Variants in DHX9 observed in about 807,000 individuals in gnomAD.
DHX9 encodes ATP-dependent RNA helicase A.
In DHX9, 27 loss-of-function variants were observed where a neutral mutation model predicts 148.7. The ratio of observed to expected loss-of-function variants is 0.18; its 90% CI spans 0.13 to 0.25. DHX9 has a LOEUF of 0.25. DHX9 is among the 10% of genes least tolerant of loss of function. The probability of loss-of-function intolerance (pLI) is 1.00; values close to 1 mark genes in which losing one functional copy is unlikely to be tolerated. For missense variants in DHX9, 796 were observed against 1,559.6 expected, an observed-to-expected ratio of 0.51 and a Z score of 8.25; for synonymous variants, 529 against 516.6, an observed-to-expected ratio of 1.02 and a Z score of -0.33.
Position 182,874,898 on chromosome 1 carries a change from C to A in DHX9, c.1759C>A (p.Pro587Thr). ...DCIQMTHFVP[P>T]PKDKKKKDKD... ...CATTCAGATGACCCACTTTGTTCCT[C>A]CACCAAAAGACAAAAAGAAGAAGGA... Residue 587 changes from proline (P) to threonine (T), a missense_variant, in exon 16 of 28, where the codon CCA (proline) becomes ACA (threonine). Physicochemically the swap from Pro to Thr is conservative, Grantham distance 38 (BLOSUM62 -1). Transcript: ENST00000367549. 2 of 1,613,254 alleles carry A rather than the reference C, an allele frequency of 1.2e-6. No homozygotes were observed. Among genetic ancestry groups the A allele is most frequent in the Non-Finnish European group, 1.7e-6 (2 of 1,179,544 alleles).
intron 3 of DHX9, among the ~76,000 whole-genome samples, chr1:182,849,473 T>C (rs1167612120): frequency 2.0e-5 from 3 of 152,342 alleles, no homozygotes; most frequent in East Asian, 1.9e-4. Flanking sequence ...TAATGAGATA[T>C]CCAATTAATG....
At chr1:182,884,493 TAA>T in intron 26 of DHX9, 118 bp from the exon 27 acceptor site, 7 of 890,970 alleles carry the variant, frequency 7.9e-6, no homozygotes, top group Non-Finnish European at 8.5e-6. Flanking sequence ...TTTTTTTTTT[TAA>T]TATTAATGCT....
At chr1:182,870,411 C>T (rs1190045464) in intron 14 of DHX9, among the ~76,000 whole-genome samples, 1 of 152,164 alleles carries the variant, frequency 6.6e-6, no homozygotes, top group Non-Finnish European at 1.5e-5. Context: ...ACAAGACTTG[C>T]TTTGAAGCTA....
At chr1:182,875,220 A>G (rs1245077851) in intron 16 of DHX9, 9 of 489,820 alleles carry the variant, frequency 1.8e-5, no homozygotes, top group East Asian at 5.6e-5. Flanking sequence ...AAGGCCAGGC[A>G]TGGTTAGGGA....
chr1:182,849,981 T>C (rs1032666078), intron 3 of DHX9, among the ~76,000 whole-genome samples: 1 of 96,590 alleles, frequency 1.0e-5, no homozygotes, highest in African/African-American at 4.1e-5. Context: ...TGTACACACG[T>C]ACCCCCCCCC....
intron 1 of DHX9, among the ~76,000 whole-genome samples, chr1:182,841,468 A>G (rs371088022): frequency 1.3e-5 from 2 of 152,196 alleles, no homozygotes; most frequent in East Asian, 3.8e-4. Context: ...TTAATTATTC[A>G]CGAGGTGGAA....
intron 7 of DHX9, among the ~76,000 whole-genome samples, 198 bp downstream of exon 7, chr1:182,856,776 G>T (rs1204222520): frequency 1.3e-5 from 2 of 152,242 alleles, no homozygotes; most frequent in East Asian, 3.8e-4. Context: ...TGTGAAAACA[G>T]ACCATGTTAG....
At position 182,876,826 on chromosome 1, in the gene DHX9, A is replaced by G. The variant is rs1250330355; in HGVS notation, c.2125-4A>G. ...TCTGGAGTGTAATTTTTCTTTCTTC[A>G]CAGGTTATTTTGTCCACAAATATTG... On this transcript the variant is annotated splice_polypyrimidine_tract_variant and splice_region_variant and intron_variant, in intron 18 of 27. Transcript: ENST00000367549. The G allele has an allele frequency of 1.9e-6, 3 of 1,607,276 alleles. No individual in the cohort carries two copies. Among genetic ancestry groups the G allele is most frequent in the African/African-American group, 2.7e-5 (2 of 74,846 alleles).
intron 3 of DHX9, among the ~76,000 whole-genome samples, chr1:182,844,528 A>C (rs1263327653): frequency 6.6e-6 from 1 of 151,968 alleles, no homozygotes; most frequent in African/African-American, 2.4e-5. Context: ...TTTAAGAAAT[A>C]AGGTTTTTTT....
chr1:182,860,194 A>C lies in DHX9; in HGVS notation c.1332+10A>C, dbSNP rs1557970587. On this transcript the variant is annotated intron_variant, in intron 12 of 27. Transcript: ENST00000367549. ...CATCGTAGTAACTCAGGTAAGTGGT[A>C]AACCAACCATGAAATACCTAGAGAG... 1.3e-6 allele frequency: 2 copies of C among 1,564,724 alleles called. No individual in the cohort carries two copies. The highest frequency in any genetic ancestry group is 1.7e-6 in the Non-Finnish European group (2 of 1,157,006).
At chr1:182,858,921 A>G (rs1196186062) in intron 10 of DHX9, 27 bp downstream of exon 10, 2 of 1,613,110 alleles carry the variant, frequency 1.2e-6, no homozygotes, top group Non-Finnish European at 1.7e-6. Flanking sequence ...TTTTGAGATC[A>G]GAGTCTTGTG....
Position 182,867,057 on chromosome 1 carries a change from GA to G in DHX9, c.1557+15del, listed in dbSNP as rs1648324067. The G allele has an allele frequency of 6.5e-7, 1 of 1,534,502 alleles. No homozygotes were observed. The highest frequency in any genetic ancestry group is 1.4e-5 in the African/African-American group (1 of 72,530). On this transcript the variant is annotated intron_variant, in intron 14 of 27. Coordinates refer to ENST00000367549, the MANE Select transcript of DHX9 (RefSeq NM_001357.5). ...AGAGATATTAATGTAAGTAACTTGA[GA>G]GGTACAGTAAGGTACTTAATTCTGC... is the stretch of plus-strand genomic sequence containing the variant.
At chr1:182,856,657 A>G (rs1210107928) in intron 7 of DHX9, 79 bp downstream of exon 7, 1 of 1,227,924 alleles carries the variant, frequency 8.1e-7, no homozygotes, top group Non-Finnish European at 1.2e-6. Context: ...TGAGTCACGT[A>G]TACAGAAGCT....
chr1:182,876,104 A>C lies in DHX9; in HGVS notation c.1870A>C (p.Met624Leu). The C allele has an allele frequency of 1.2e-6, 2 of 1,613,980 alleles. No individual in the cohort carries two copies. The highest frequency in any genetic ancestry group is 1.7e-6 in the Non-Finnish European group (2 of 1,179,864). ...DEYGPETRLSMSQLNEKETPF... is the reference protein window; with the variant it reads ...DEYGPETRLSLSQLNEKETPF... ...ATATGGTCCAGAAACAAGGTTGAGC[A>C]TGTCTCAATTGAACGAAAAGGAAAC... Residue 624 changes from methionine (M) to leucine (L), a missense_variant, in exon 17 of 28, where the codon ATG becomes CTG. This residue lies in a region of DHX9 where 133 missense variants were observed against 223.8 expected (regional missense o/e 0.59). Coordinates refer to ENST00000367549, the MANE Select transcript of DHX9 (RefSeq NM_001357.5).
chr1:182,841,745 C>G (rs945978739), intron 1 of DHX9, among the ~76,000 whole-genome samples: 3 of 152,190 alleles, frequency 2.0e-5, no homozygotes, highest in African/African-American at 7.2e-5. Flanking sequence ...TAAATGTGGT[C>G]TCATATCTTG....
At chr1:182,845,924 C>G (rs1159034943) in intron 3 of DHX9, among the ~76,000 whole-genome samples, 3 of 152,190 alleles carry the variant, frequency 2.0e-5, no homozygotes, top group Non-Finnish European at 4.4e-5. Flanking sequence ...ACCTGTTCGG[C>G]CATTTGGAAG....
intron 26 of DHX9, 138 bp from the exon 27 acceptor site, chr1:182,884,475 A>T: frequency 1.3e-6 from 1 of 755,706 alleles, no homozygotes; most frequent in East Asian, 2.7e-5. Flanking sequence ...TGGGGCCATT[A>T]TAAGTAGTTT....
rs1260597981 is a variant in DHX9, at chr1:182,854,164, T to C, written c.612T>C (p.Gly204=). Residue 204 remains glycine (G), a synonymous_variant, in exon 6 of 28, where the codon GGT becomes GGC. Transcript: ENST00000367549. The part of the protein sequence containing the change: ...IQGEYKYTQV[G]PDHNRSFIAE... ...GAGAATATAAGTACACCCAAGTGGG[T>C]CCTGATCACAACAGGTTTGCTTGTT... The C allele has an allele frequency of 6.2e-7, 1 of 1,610,674 alleles. No individual in the cohort carries two copies. Among genetic ancestry groups the C allele is most frequent in the Admixed American group, 1.7e-5 (1 of 59,196 alleles).
rs780643874 is a variant in DHX9 at position 182,878,005 on chromosome 1, A to T, written c.2199-16A>T. On this transcript the variant is annotated splice_polypyrimidine_tract_variant and intron_variant, in intron 19 of 27. Transcript: ENST00000367549. ...ATACACATGAGTCTTAGAATTAACC[A>T]CTTTTTCCTATGTAGGCAGAAAGTG... The T allele has an allele frequency of 1.2e-6, 2 of 1,613,928 alleles. No individual in the cohort carries two copies. The highest frequency in any genetic ancestry group is 2.2e-5 in the South Asian group (2 of 91,054).
Sources: allele counts gnomAD v4.1 joint callset (sites outside exome capture counted in the v4.1 genomes callset), GRCh38; gene constraint gnomAD v4.1.1; regional missense constraint gnomAD v4.1.1; transcripts MANE v1.5; gene names NCBI Gene and HGNC (gene_info 2026-07-23, HGNC 2026-07-21).